DLG2: variants seen among roughly 807,000 people sequenced by gnomAD.
DLG2 encodes the protein disks large homolog 2.
A neutral mutation model predicts 132.5 loss-of-function variants in DLG2; 45 were observed. The ratio of observed to expected loss-of-function variants is 0.34; its 90% CI spans 0.27 to 0.44. DLG2 has a LOEUF of 0.44. Among genes scored for constraint, DLG2 ranks in the 20% least tolerant of loss-of-function variants. The pLI, the probability that DLG2 is intolerant of heterozygous loss-of-function variation, is 1.00. For synonymous variants in DLG2, 424 were observed against 419.6 expected (o/e 1.01, Z -0.13); for missense variants, 1,045 against 1,196.9 (o/e 0.87, Z 1.87).
intron 6 of DLG2, among the ~76,000 whole-genome samples, chr11:84,767,484 A>C (rs376587321): frequency 2.6e-5 from 4 of 152,222 alleles, no homozygotes; most frequent in East Asian, 3.9e-4. Flanking sequence ...GAAGGTGCTC[A>C]TGATACATTA....
At chr11:83,552,850 A>T (rs2096425724) in intron 19 of DLG2, among the ~76,000 whole-genome samples, 1 of 152,260 alleles carries the variant, frequency 6.6e-6, no homozygotes, top group African/African-American at 2.4e-5. Context: ...AATATAAAAA[A>T]TTCTGCAACT....
At chr11:83,867,598 C>A (rs1307721072) in intron 16 of DLG2, among the ~76,000 whole-genome samples, 1 of 152,066 alleles carries the variant, frequency 6.6e-6, no homozygotes, top group Non-Finnish European at 1.5e-5. Context: ...TCTAGATTTT[C>A]TATGTCATCT....
chr11:85,387,475 C>G (rs1395345198), intron 3 of DLG2, among the ~76,000 whole-genome samples: 1 of 152,164 alleles, frequency 6.6e-6, no homozygotes, highest in Non-Finnish European at 1.5e-5. Flanking sequence ...TTTAATTACA[C>G]TCAATGTGTA....
chr11:84,131,805 G>C (rs2094434264), intron 9 of DLG2, among the ~76,000 whole-genome samples: 1 of 151,888 alleles, frequency 6.6e-6, no homozygotes, highest in African/African-American at 2.4e-5. Flanking sequence ...TGATTTTCCT[G>C]TACAGAATGG....
chr11:85,075,580 T>C (rs2066424697), intron 6 of DLG2, among the ~76,000 whole-genome samples: 1 of 151,926 alleles, frequency 6.6e-6, no homozygotes, highest in African/African-American at 2.4e-5. Flanking sequence ...TACCACTATT[T>C]AAATAAGTTA....
intron 6 of DLG2, among the ~76,000 whole-genome samples, chr11:84,937,290 A>G (rs769682700): frequency 2.6e-5 from 4 of 152,282 alleles, no homozygotes; most frequent in Non-Finnish European, 2.9e-5. Context: ...GAAATCTGTA[A>G]AACAACCACA....
intron 6 of DLG2, among the ~76,000 whole-genome samples, chr11:84,634,279 C>T (rs568198935): frequency 1.1e-4 from 17 of 152,266 alleles, no homozygotes; most frequent in African/African-American, 4.1e-4. Context: ...TTTTGACATT[C>T]TGAGTTGGTA....
At chr11:83,776,549 A>G (rs938737193) in intron 18 of DLG2, among the ~76,000 whole-genome samples, 49 of 152,216 alleles carry the variant, frequency 3.2e-4, no homozygotes, top group African/African-American at 1.2e-3. Flanking sequence ...TGTGAACAGC[A>G]AATCTGATCT....
At chr11:84,923,653 C>G (rs573484114) in intron 6 of DLG2, 26 of 921,868 alleles carry the variant, frequency 2.8e-5, no homozygotes, top group Non-Finnish European at 3.2e-5. Context: ...CCAGGCTATT[C>G]TGGTGCAGCA....
intron 17 of DLG2, among the ~76,000 whole-genome samples, chr11:83,818,302 C>A (rs976388669): frequency 4.6e-5 from 7 of 152,152 alleles, no homozygotes; most frequent in Non-Finnish European, 8.8e-5. Flanking sequence ...CATGTTCTTC[C>A]TTTGTGGCCT....
intron 3 of DLG2, among the ~76,000 whole-genome samples, chr11:85,374,293 G>A (rs567896349): frequency 3.3e-5 from 5 of 152,226 alleles, no homozygotes; most frequent in Admixed American, 3.3e-4. Flanking sequence ...GGAATGCACT[G>A]GTAGTTATGA....
At chr11:85,384,160 C>G (rs889693029) in intron 3 of DLG2, among the ~76,000 whole-genome samples, 1 of 152,082 alleles carries the variant, frequency 6.6e-6, no homozygotes, top group African/African-American at 2.4e-5. Flanking sequence ...GTGCCAGGTA[C>G]ATCAGTTCTA....
chr11:84,299,329 G>A (rs962798817), intron 7 of DLG2, among the ~76,000 whole-genome samples: 2 of 152,204 alleles, frequency 1.3e-5, no homozygotes, highest in Non-Finnish European at 2.9e-5. Context: ...ATAATGGATT[G>A]AAGAGATCTA....
At chr11:83,667,697 A>G (rs1272280075) in intron 18 of DLG2, among the ~76,000 whole-genome samples, 1 of 152,120 alleles carries the variant, frequency 6.6e-6, no homozygotes, top group Admixed American at 6.5e-5. Context: ...TTAAAGGAAG[A>G]GGCCGGGCGC....
chr11:85,421,356 C>T (rs1344290928), intron 3 of DLG2, among the ~76,000 whole-genome samples: 1 of 151,932 alleles, frequency 6.6e-6, no homozygotes, highest in Non-Finnish European at 1.5e-5. Flanking sequence ...GCGTTGATCT[C>T]GCTGGGAGCT....
chr11:85,284,075 T>C (rs905844561), intron 4 of DLG2, among the ~76,000 whole-genome samples: 1 of 151,932 alleles, frequency 6.6e-6, no homozygotes, highest in Non-Finnish European at 1.5e-5. Context: ...ATGCTATTAG[T>C]GTAACATTAA....
intron 7 of DLG2, among the ~76,000 whole-genome samples, chr11:84,454,474 A>G (rs78139105): frequency 0.012 from 1,888 of 151,628 alleles, 30 homozygotes; most frequent in African/African-American, 0.042. Context: ...AATATGAGCC[A>G]GCAAGTCCAC....
rs575793429 is a variant in DLG2 at position 85,323,075 on chromosome 11, A to G, written c.41-37710T>C. 2.2e-4 allele frequency among the ~76,000 whole-genome samples: 34 copies of G among 152,292 alleles called. No homozygotes were observed. In the South Asian group the frequency reaches 5.8e-3, roughly 26 times the overall value. On this transcript the variant is annotated intron_variant, in intron 3 of 27. Transcript: ENST00000376104. ...TGGCCTGCAAGGCCCCCAATAATCT[A>G]TGTTCTTTCTAACTCACCTGTCACT...
At chr11:84,188,367 C>T (rs755892762) in intron 8 of DLG2, among the ~76,000 whole-genome samples, 15 of 152,134 alleles carry the variant, frequency 9.9e-5, no homozygotes, top group Non-Finnish European at 1.8e-4. Context: ...TTCATGATTG[C>T]ATCTCCAGAT....
Sources: gnomAD v4.1 joint callset for allele counts (sites outside exome capture counted in the v4.1 genomes callset) on GRCh38, gnomAD v4.1.1 for gene constraint, MANE v1.5 for transcripts, NCBI Gene and HGNC (gene_info 2026-07-23, HGNC 2026-07-21) for gene names.